Variants in SPTBN2 observed in about 807,000 individuals in gnomAD.
SPTBN2 encodes the protein spectrin beta, non-erythrocytic 2.
Under a neutral mutation model 284.2 loss-of-function variants are expected in SPTBN2, and 107 were observed. The observed-to-expected ratio is 0.38, with a 90% CI of 0.32 to 0.44. The LOEUF (loss-of-function observed/expected upper bound fraction) is 0.44. Among genes scored for constraint, SPTBN2 ranks in the 20% least tolerant of loss-of-function variants. SPTBN2 has a pLI of 1.00. For synonymous variants in SPTBN2, 1,289 were observed against 1,354.8 expected (o/e 0.95, Z 1.07); for missense variants, 2,569 against 3,287.1 (o/e 0.78, Z 5.34).
chr11:66,743,278 G>C (rs929317222), intron 1 of SPTBN2, among the ~76,000 whole-genome samples: 37 of 152,216 alleles, frequency 2.4e-4, no homozygotes, highest in Non-Finnish European at 1.2e-4. Flanking sequence ...AACTGAGATG[G>C]GGAGGAATGG....
At chr11:66,695,697 C>A (rs1449832309) in intron 21 of SPTBN2, among the ~76,000 whole-genome samples, 1 of 152,066 alleles carries the variant, frequency 6.6e-6, no homozygotes, top group African/African-American at 2.4e-5. Flanking sequence ...GTTTTCTGAC[C>A]CCTGCTATAG....
Position 66,687,691 on chromosome 11 carries a change from T to C in SPTBN2, c.6502-44A>G. The C allele has an allele frequency of 6.3e-7, 1 of 1,574,870 alleles. No individual in the cohort carries two copies. Among genetic ancestry groups the C allele is most frequent in the Non-Finnish European group, 8.6e-7 (1 of 1,159,204 alleles). On this transcript the variant is annotated intron_variant, in intron 34 of 37. Transcript: ENST00000533211. This position sits in a 1 kb window ranked among gnomAD's most constrained non-coding sequence, Gnocchi z 5.2. ...CAGTGTCAAAGGTTGAGACGGGAGATCCCTAACCTGGGTGCCAGGAAGCTC... is the reference window on the plus strand; with the variant it reads ...CAGTGTCAAAGGTTGAGACGGGAGACCCCTAACCTGGGTGCCAGGAAGCTC...
intron 13 of SPTBN2, among the ~76,000 whole-genome samples, chr11:66,706,632 C>CTTTTTTTTTTTTTTTTTT (rs1261017116): frequency 7.5e-6 from 1 of 133,410 alleles, no homozygotes. Context: ...TGCCTAGCTG[C>CTTTTTTTTTTTTTTTTTT]TTTTTTTTTT....
rs1481295528 is a variant in SPTBN2, at chr11:66,693,881, T to TC, written c.4504-21dup. 2 of 1,610,654 alleles carry TC rather than the reference T, an allele frequency of 1.2e-6. No individual in the cohort carries two copies. Among genetic ancestry groups the TC allele is most frequent in the Non-Finnish European group, 1.7e-6 (2 of 1,178,134 alleles). ...CCACAACTGGAAGAGGAAGAGGGGG[T>TC]CAGTGGAGGCCCAGAGGGCAAGGCA... is the stretch of plus-strand genomic sequence containing the variant. On this transcript the variant is annotated intron_variant, in intron 22 of 37. Transcript: ENST00000533211. This position sits in a 1 kb window ranked among gnomAD's most constrained non-coding sequence, Gnocchi z 5.7.
rs1346564219 is a variant in SPTBN2 at position 66,704,736 on chromosome 11, G to T, written c.2540C>A (p.Ala847Asp). The T allele has an allele frequency of 6.2e-7, 1 of 1,602,330 alleles. No homozygotes were observed. Among genetic ancestry groups the T allele is most frequent in the Non-Finnish European group, 8.5e-7 (1 of 1,175,810 alleles). ...GTAGAGCGCCAGGGCTGCCTCCAAGGCCCGCGCTCGCTCGCCTGCCCGGGC... is the reference window on the plus strand; with the variant it reads ...GTAGAGCGCCAGGGCTGCCTCCAAGTCCCGCGCTCGCTCGCCTGCCCGGGC... The part of the protein sequence containing the change: ...LQARAGERAR[A>D]LEAALALYTM... The change falls in exon 15 of 38, where the codon GCC becomes GAC. Residue 847 changes from alanine to aspartate, a missense_variant. This residue lies in a region of SPTBN2 where 1,012 missense variants were observed against 1,248.9 expected (regional missense o/e 0.81). Coordinates refer to ENST00000533211, the MANE Select transcript of SPTBN2 (RefSeq NM_006946.4).
chr11:66,714,961 G>A (rs1565150279), intron 5 of SPTBN2, among the ~76,000 whole-genome samples: 1 of 152,178 alleles, frequency 6.6e-6, no homozygotes, highest in Non-Finnish European at 1.5e-5. Context: ...TGTGGTCCTG[G>A]TCCCATTGCA....
chr11:66,719,520 G>A (rs1942297411), intron 3 of SPTBN2, among the ~76,000 whole-genome samples: 1 of 152,252 alleles, frequency 6.6e-6, no homozygotes, highest in African/African-American at 2.4e-5. Flanking sequence ...CCAGTTCAGT[G>A]GTGGAGATAA....
intron 1 of SPTBN2, among the ~76,000 whole-genome samples, chr11:66,726,495 G>T (rs1942626745): frequency 6.6e-6 from 1 of 152,228 alleles, no homozygotes; most frequent in Non-Finnish European, 1.5e-5. Flanking sequence ...GAAGCAGCTG[G>T]AATTGGTTAG....
At chr11:66,719,177 G>A (rs1489941829) in intron 3 of SPTBN2, among the ~76,000 whole-genome samples, 1 of 152,242 alleles carries the variant, frequency 6.6e-6, no homozygotes, top group Non-Finnish European at 1.5e-5. Context: ...AAGAGGAAAA[G>A]CCAGGCACTG....
Position 66,705,292 on chromosome 11 carries a change from G to A in SPTBN2, c.1984C>T (p.His662Tyr), listed in dbSNP as rs1941475642. The change falls in exon 15 of 38, where the codon CAC becomes TAC. Residue 662 changes from histidine (H) to tyrosine (Y), a missense_variant. By Grantham distance (83) the His-to-Tyr change is moderately conservative (BLOSUM62 2). Around this residue, in one of 6 missense-constraint regions of SPTBN2, gnomAD observed 1,012 missense variants for 1,248.9 expected, o/e 0.81. Coordinates refer to ENST00000533211, the MANE Select transcript of SPTBN2 (RefSeq NM_006946.4). ...CCCGTGTCGGCTGAGGCCAGGAGGT[G>A]CTGCTGCTCCCGCACCCAGGCCTCA... Reference protein sequence around the residue: ...EAEAWVREQQHLLASADTGRD... With the variant: ...EAEAWVREQQYLLASADTGRD... The A allele has an allele frequency of 1.2e-6, 2 of 1,602,444 alleles. No individual in the cohort carries two copies. Among genetic ancestry groups the A allele is most frequent in the Non-Finnish European group, 1.7e-6 (2 of 1,178,256 alleles).
intron 6 of SPTBN2, 41 bp downstream of exon 6, chr11:66,714,275 G>A: frequency 6.2e-7 from 1 of 1,609,692 alleles, no homozygotes; most frequent in Non-Finnish European, 8.5e-7. Context: ...CAGCCTGGGG[G>A]TCACTGACCC....
Position 66,693,029 on chromosome 11 carries a change from C to G in SPTBN2, c.4926G>C (p.Gln1642His). ...VLEQALADYA[Q>H]TIHQLAASSQ... is the part of the protein sequence containing the mutation. ...TGCTGGCCGCCAGCTGGTGGATGGTCTGCGCGTAGTCGGCCAGGGCTTGCT... is the reference window on the plus strand; with the variant it reads ...TGCTGGCCGCCAGCTGGTGGATGGTGTGCGCGTAGTCGGCCAGGGCTTGCT... Residue 1642 changes from glutamine (Q) to histidine (H), a missense_variant, in exon 25 of 38, where the codon CAG (glutamine) becomes CAC (histidine). By Grantham distance (24) the Gln-to-His change is conservative (BLOSUM62 0). Around this residue, in one of 6 missense-constraint regions of SPTBN2, gnomAD observed 1,130 missense variants for 1,317.3 expected, o/e 0.86. Coordinates refer to ENST00000533211, the MANE Select transcript of SPTBN2 (RefSeq NM_006946.4). This position sits in a 1 kb window ranked among gnomAD's most constrained non-coding sequence, Gnocchi z 5.7. 6.2e-7 allele frequency: 1 copy of G among 1,612,872 alleles called. No homozygotes were observed. Among genetic ancestry groups the G allele is most frequent in the Non-Finnish European group, 8.5e-7 (1 of 1,180,022 alleles).
rs1272505296 is a variant in SPTBN2, at chr11:66,715,108, A to C, written c.483+114T>G. The C allele has an allele frequency of 7.3e-7, 1 of 1,375,104 alleles. No homozygotes were observed. Among genetic ancestry groups the C allele is most frequent in the Non-Finnish European group, 1.0e-6 (1 of 979,278 alleles). The allele number at this position is 1,375,104 out of a possible 1,614,324, so 85.2% of individuals were successfully genotyped here. A position where few individuals can be genotyped will look rare whatever the true frequency, so the allele number is the denominator to read the frequency against. On this transcript the variant is annotated intron_variant, in intron 5 of 37. Transcript: ENST00000533211. This position sits in a 1 kb window ranked among gnomAD's most constrained non-coding sequence, Gnocchi z 5.3. ...ATAGCGCCGCCATGGCAGCTGCTAC[A>C]TAAGGTTCTAGATCCTCCATCTTTG...
rs1565141669 is a variant in SPTBN2 at position 66,707,848 on chromosome 11, G to C, written c.1351-30C>G. The C allele has an allele frequency of 6.2e-7, 1 of 1,602,936 alleles. No individual in the cohort carries two copies. Among genetic ancestry groups the C allele is most frequent in the South Asian group, 1.1e-5 (1 of 90,742 alleles). On this transcript the variant is annotated intron_variant, in intron 12 of 37. Coordinates refer to ENST00000533211, the MANE Select transcript of SPTBN2 (RefSeq NM_006946.4). The surrounding 1 kb of genome is among the most constrained non-coding windows in gnomAD (Gnocchi z 4.9). ...GTCGGGGGCAGGGAGAGGAGGTGTGGGGACCAAGGGACAGTGCCTCTGCCT... is the reference window on the plus strand; with the variant it reads ...GTCGGGGGCAGGGAGAGGAGGTGTGCGGACCAAGGGACAGTGCCTCTGCCT...
intron 6 of SPTBN2, 68 bp downstream of exon 6, chr11:66,714,248 G>T: frequency 6.2e-7 from 1 of 1,607,622 alleles, no homozygotes; most frequent in Non-Finnish European, 8.5e-7. Context: ...CCAGCTCATG[G>T]TTCCTGGAGC....
intron 1 of SPTBN2, among the ~76,000 whole-genome samples, chr11:66,734,904 A>AAGCAGCAGC (rs547474699): frequency 1.3e-5 from 2 of 152,168 alleles, no homozygotes; most frequent in East Asian, 1.9e-4. Context: ...TCCATCACTT[A>AAGCAGCAGC]AGCAGCAGCA....
chr11:66,742,103 T>A (rs1942899496), intron 1 of SPTBN2, among the ~76,000 whole-genome samples: 2 of 152,226 alleles, frequency 1.3e-5, no homozygotes, highest in Admixed American at 1.3e-4. Flanking sequence ...ATTACAAGCA[T>A]GAGCCACCAT....
At chr11:66,712,876 T>G in intron 8 of SPTBN2, 1 of 152,784 alleles carries the variant, frequency 6.5e-6, no homozygotes, top group Non-Finnish European at 1.5e-5. Context: ...TCCCAGGAGG[T>G]CACCAGTGCT....
upstream of SPTBN2, among the ~76,000 whole-genome samples, chr11:66,733,688 G>T (rs374141549): frequency 6.6e-6 from 1 of 152,064 alleles, no homozygotes; most frequent in African/African-American, 2.4e-5. Flanking sequence ...TAATTGAAGG[G>T]GATAGATGAG....
Sources: gnomAD v4.1 joint callset for allele counts (sites outside exome capture counted in the v4.1 genomes callset) on GRCh38, gnomAD v4.1.1 for gene constraint, gnomAD v4.1.1 regional missense constraint, Gnocchi (gnomAD v3.1) non-coding constraint, MANE v1.5 for transcripts, NCBI Gene and HGNC (gene_info 2026-07-23, HGNC 2026-07-21) for gene names.